Variants in ADAMTS12 observed in about 807,000 individuals in gnomAD.
ADAMTS12 encodes A disintegrin and metalloproteinase with thrombospondin motifs 12.
ADAMTS12 carries 118 observed loss-of-function variants against 167.8 expected under a neutral mutation model. The observed-to-expected ratio is 0.70, with a 90% CI of 0.61 to 0.82. The LOEUF (loss-of-function observed/expected upper bound fraction) is 0.82. Ranked by LOEUF, ADAMTS12 falls within the 40% of genes least tolerant of loss-of-function variation. The pLI, the probability that ADAMTS12 is intolerant of heterozygous loss-of-function variation, is 0.00. For missense variants in ADAMTS12, 1,916 were observed against 1,998.8 expected (o/e 0.96, Z 0.79); for synonymous variants, 704 against 716.9 (o/e 0.98, Z 0.29).
At chr5:33,879,635 T>C (rs1354155386) in intron 2 of ADAMTS12, among the ~76,000 whole-genome samples, 1 of 152,092 alleles carries the variant, frequency 6.6e-6, no homozygotes, top group African/African-American at 2.4e-5. Flanking sequence ...ATGATCTAAT[T>C]AGGAGGAAAC....
chr5:33,858,197 A>G (rs991051362), intron 2 of ADAMTS12, among the ~76,000 whole-genome samples: 68 of 152,238 alleles, frequency 4.5e-4, no homozygotes, highest in African/African-American at 1.6e-3. Context: ...ACCTCCAAGC[A>G]CTTGCAAACT....
intron 11 of ADAMTS12, among the ~76,000 whole-genome samples, chr5:33,640,467 T>C (rs1178208911): frequency 1.3e-5 from 2 of 152,158 alleles, no homozygotes; most frequent in Admixed American, 6.6e-5. Flanking sequence ...CCAGAGCAAA[T>C]TGCCTTTCTT....
At chr5:33,730,867 C>T (rs1744166823) in intron 3 of ADAMTS12, among the ~76,000 whole-genome samples, 1 of 152,212 alleles carries the variant, frequency 6.6e-6, no homozygotes, top group African/African-American at 2.4e-5. Flanking sequence ...TGAAGTTCTT[C>T]AGCAATGAAG....
At chr5:33,713,627 C>T (rs376572629) in intron 3 of ADAMTS12, among the ~76,000 whole-genome samples, 3 of 151,656 alleles carry the variant, frequency 2.0e-5, no homozygotes, top group African/African-American at 7.3e-5. Flanking sequence ...TGACTTAAAT[C>T]AGGAGATGAC....
chr5:33,836,003 A>AG (rs1748512314), intron 2 of ADAMTS12, among the ~76,000 whole-genome samples: 1 of 150,712 alleles, frequency 6.6e-6, no homozygotes, highest in Non-Finnish European at 1.5e-5. Context: ...GACCCAAATA[A>AG]GGGAAATAGG....
intron 7 of ADAMTS12, among the ~76,000 whole-genome samples, chr5:33,651,684 G>A (rs1017027077): frequency 6.6e-6 from 1 of 152,060 alleles, no homozygotes; most frequent in Admixed American, 6.6e-5. Flanking sequence ...ACATGTGCAG[G>A]TCTTTTACAT....
At chr5:33,741,218 A>G (rs940983494) in intron 3 of ADAMTS12, among the ~76,000 whole-genome samples, 1 of 152,194 alleles carries the variant, frequency 6.6e-6, no homozygotes, top group Non-Finnish European at 1.5e-5. Flanking sequence ...GCCATGACAA[A>G]GTGCCACAGA....
intron 2 of ADAMTS12, among the ~76,000 whole-genome samples, chr5:33,813,330 A>T (rs2084124): frequency 0.45 from 68,166 of 152,106 alleles, 15,642 homozygotes; most frequent in African/African-American, 0.47. Flanking sequence ...TGATAACACA[A>T]GGTGAGCACA....
chr5:33,624,217 T>C lies in ADAMTS12; in HGVS notation c.2143+14A>G. On this transcript the variant is annotated intron_variant, in intron 14 of 23. Transcript: ENST00000504830. ...TTGGTCCCCTGCCACTTCGATTATT[T>C]ATTTGTTTATTACCAGATCCTTCCT... 1 of 1,613,902 alleles carries C rather than the reference T, an allele frequency of 6.2e-7. No homozygotes were observed. The highest frequency in any genetic ancestry group is 1.1e-5 in the South Asian group (1 of 91,000).
intron 16 of ADAMTS12, among the ~76,000 whole-genome samples, chr5:33,610,116 G>A (rs1198520052): frequency 6.6e-6 from 1 of 152,204 alleles, no homozygotes. Context: ...GGGAGGTGGA[G>A]GTTGCGGTGA....
intron 3 of ADAMTS12, among the ~76,000 whole-genome samples, chr5:33,744,635 T>A (rs7703841): frequency 0.64 from 97,652 of 151,902 alleles, 32,712 homozygotes; most frequent in Non-Finnish European, 0.75. Context: ...GGCACAGTAA[T>A]GATACTGGGG....
chr5:33,765,979 G>A (rs1304331394), intron 2 of ADAMTS12, among the ~76,000 whole-genome samples: 1 of 152,052 alleles, frequency 6.6e-6, no homozygotes, highest in Non-Finnish European at 1.5e-5. Flanking sequence ...GTTACAATCA[G>A]GTAAATCTTC....
chr5:33,840,398 T>C (rs982960503), intron 2 of ADAMTS12: 1 of 152,316 alleles, frequency 6.6e-6, no homozygotes. Context: ...TAATTAACCA[T>C]GGCATGTTGG....
intron 20 of ADAMTS12, among the ~76,000 whole-genome samples, chr5:33,557,543 T>A (rs1235853086): frequency 6.6e-6 from 1 of 152,154 alleles, no homozygotes; most frequent in Admixed American, 6.5e-5. Flanking sequence ...GGCAGGAGTA[T>A]TGTTTGAGCC....
At chr5:33,539,687 A>G (rs1217146378) in intron 22 of ADAMTS12, among the ~76,000 whole-genome samples, 2 of 152,250 alleles carry the variant, frequency 1.3e-5, no homozygotes, top group African/African-American at 4.8e-5. Flanking sequence ...AACATACTGT[A>G]AATCAATGAA....
chr5:33,732,551 G>A (rs1744231994), intron 3 of ADAMTS12, among the ~76,000 whole-genome samples: 1 of 152,140 alleles, frequency 6.6e-6, no homozygotes, highest in Non-Finnish European at 1.5e-5. Flanking sequence ...GACAACTGTG[G>A]ATATTCATAT....
At chr5:33,746,020 C>T (rs1744769822) in intron 3 of ADAMTS12, among the ~76,000 whole-genome samples, 1 of 152,110 alleles carries the variant, frequency 6.6e-6, no homozygotes, top group Non-Finnish European at 1.5e-5. Flanking sequence ...GCACATGCCA[C>T]CCCTCCAAAA....
At chr5:33,866,009 A>G (rs2111713419) in intron 2 of ADAMTS12, among the ~76,000 whole-genome samples, 1 of 152,352 alleles carries the variant, frequency 6.6e-6, no homozygotes, top group Admixed American at 6.5e-5. Context: ...TAGAAGAATC[A>G]ATATCATGAA....
chr5:33,784,549 A>G (rs1746262950), intron 2 of ADAMTS12, among the ~76,000 whole-genome samples: 1 of 152,116 alleles, frequency 6.6e-6, no homozygotes, highest in African/African-American at 2.4e-5. Flanking sequence ...TGTACCAGAA[A>G]TAAACAATCC....
Sources: allele counts gnomAD v4.1 joint callset (sites outside exome capture counted in the v4.1 genomes callset), GRCh38; gene constraint gnomAD v4.1.1; transcripts MANE v1.5; gene names NCBI Gene and HGNC (gene_info 2026-07-23, HGNC 2026-07-21).